Variants in RABGAP1L observed in about 807,000 individuals in gnomAD.
RABGAP1L encodes rab GTPase-activating protein 1-like.
RABGAP1L carries 63 observed loss-of-function variants against 137.7 expected under a neutral mutation model. That is an observed-to-expected ratio of 0.46 (90% CI 0.37 to 0.56). The LOEUF (loss-of-function observed/expected upper bound fraction) is 0.56. Ranked by LOEUF, RABGAP1L falls within the 20% of genes least tolerant of loss-of-function variation. The pLI, the probability that RABGAP1L is intolerant of heterozygous loss-of-function variation, is 0.00. For missense variants in RABGAP1L, 1,095 were observed against 1,244.0 expected, an observed-to-expected ratio of 0.88 and a Z score of 1.80; for synonymous variants, 431 against 433.7, an observed-to-expected ratio of 0.99 and a Z score of 0.08.
intron 13 of RABGAP1L, among the ~76,000 whole-genome samples, chr1:174,628,416 A>AT (rs1673079473): frequency 6.6e-6 from 1 of 152,228 alleles, no homozygotes; most frequent in South Asian, 2.1e-4. Flanking sequence ...AATGGTTCTT[A>AT]TGGAAATGGG....
chr1:174,532,829 C>T (rs1664541154), intron 13 of RABGAP1L, among the ~76,000 whole-genome samples: 1 of 152,058 alleles, frequency 6.6e-6, no homozygotes, highest in South Asian at 2.1e-4. Context: ...GTAAGAAAAA[C>T]AAGTTGCCAC....
At chr1:174,849,537 G>A (rs972268872) in intron 19 of RABGAP1L, 1 of 314,948 alleles carries the variant, frequency 3.2e-6, no homozygotes, top group South Asian at 2.9e-5. Context: ...GAAAAGTCAG[G>A]GAGGTCAATA....
intron 11 of RABGAP1L, among the ~76,000 whole-genome samples, chr1:174,306,185 TC>T (rs1253331101): frequency 6.6e-6 from 1 of 152,234 alleles, no homozygotes; most frequent in Non-Finnish European, 1.5e-5. Context: ...TTGGGTTGGT[TC>T]CAAGTCTTTG....
At chr1:174,521,825 A>G (rs1225847411) in intron 13 of RABGAP1L, among the ~76,000 whole-genome samples, 1 of 152,168 alleles carries the variant, frequency 6.6e-6, no homozygotes, top group African/African-American at 2.4e-5. Flanking sequence ...TCACACATGT[A>G]ATCCCAGTAC....
chr1:174,790,396 G>T (rs1317853163), intron 18 of RABGAP1L, among the ~76,000 whole-genome samples: 2 of 151,822 alleles, frequency 1.3e-5, no homozygotes, highest in South Asian at 2.1e-4. Flanking sequence ...GGCCAAGGTG[G>T]GTAGATCACC....
At chr1:174,762,807 C>CTTTTTTTTTT (rs71563260) in intron 18 of RABGAP1L, among the ~76,000 whole-genome samples, 1 of 81,830 alleles carries the variant, frequency 1.2e-5, no homozygotes, top group Non-Finnish European at 2.3e-5. Flanking sequence ...GTCTCCTTTG[C>CTTTTTTTTTT]TTTTTTTTTT....
intron 17 of RABGAP1L, among the ~76,000 whole-genome samples, chr1:174,736,395 C>T (rs1682945124): frequency 6.6e-6 from 1 of 152,272 alleles, no homozygotes; most frequent in Non-Finnish European, 1.5e-5. Context: ...GTGGTAGGCT[C>T]CCAAGGCCTT....
At chr1:174,927,926 G>A (rs1040224978) in intron 19 of RABGAP1L, among the ~76,000 whole-genome samples, 2 of 152,040 alleles carry the variant, frequency 1.3e-5, no homozygotes, top group African/African-American at 4.8e-5. Context: ...CAATATTGTC[G>A]TTGCCTCTCT....
At chr1:174,328,016 T>TATAC (rs1680700357) in intron 11 of RABGAP1L, among the ~76,000 whole-genome samples, 24 of 117,356 alleles carry the variant, frequency 2.0e-4, no homozygotes, top group African/African-American at 8.1e-4. Flanking sequence ...TATATATATA[T>TATAC]ATATATATAC....
intron 13 of RABGAP1L, among the ~76,000 whole-genome samples, chr1:174,456,516 A>G (rs866971658): frequency 1.3e-5 from 2 of 152,080 alleles, no homozygotes; most frequent in African/African-American, 2.4e-5. Context: ...TATGATGGAC[A>G]AGATTTTGAT....
Position 174,559,859 on chromosome 1 carries a change from A to G in RABGAP1L, c.1711-77516A>G, listed in dbSNP as rs948845445. 2.6e-5 allele frequency among the ~76,000 whole-genome samples: 4 copies of G among 152,100 alleles called. No individual in the cohort carries two copies. In the East Asian group the frequency reaches 7.7e-4, roughly 29 times the overall value. Reference sequence around the variant, plus strand: ...ATCCAAAAAAGTTCCCTTTTGGCCGAGTGTGGTGGCTCACGCCTGTAATCT... The same window carrying G: ...ATCCAAAAAAGTTCCCTTTTGGCCGGGTGTGGTGGCTCACGCCTGTAATCT... On this transcript the variant is annotated intron_variant, in intron 13 of 25. Coordinates refer to ENST00000681986, the MANE Select transcript of RABGAP1L (RefSeq NM_001366446.1).
intron 19 of RABGAP1L, among the ~76,000 whole-genome samples, chr1:174,853,375 G>A (rs1648713744): frequency 6.6e-6 from 1 of 152,058 alleles, no homozygotes; most frequent in Non-Finnish European, 1.5e-5. Context: ...AGGTTTCAGA[G>A]TTATATATAA....
intron 13 of RABGAP1L, among the ~76,000 whole-genome samples, chr1:174,528,114 A>G (rs769799796): frequency 3.3e-5 from 5 of 151,888 alleles, no homozygotes; most frequent in African/African-American, 4.8e-5. Context: ...GTCTATATCT[A>G]TTAAGTGAAG....
rs59262212 is a variant in RABGAP1L, at chr1:174,280,048, G to GGAGAGAGAGAGAGAGAGAGAGA, written c.1323+1292_1323+1313dup. Among the ~76,000 whole-genome samples the GGAGAGAGAGAGAGAGAGAGAGA allele has an allele frequency of 4.6e-4, 58 of 125,298 alleles. 1 individual carries two copies. Among genetic ancestry groups the GGAGAGAGAGAGAGAGAGAGAGA allele is most frequent in the African/African-American group, 1.6e-3 (55 of 33,720 alleles). The allele number at this position is 125,298 out of a possible 152,430, so 82.2% of individuals were successfully genotyped here. ...AGTACTTTTGACTGTCTGTCTGCCT[G>GGAGAGAGAGAGAGAGAGAGAGA]GAGAGAGAGAGAGAGAGAGAGAGAG... On this transcript the variant is annotated intron_variant, in intron 10 of 25. Coordinates refer to ENST00000681986, the MANE Select transcript of RABGAP1L (RefSeq NM_001366446.1).
At chr1:174,950,073 G>A (rs1320273987) in intron 19 of RABGAP1L, among the ~76,000 whole-genome samples, 2 of 152,188 alleles carry the variant, frequency 1.3e-5, no homozygotes, top group African/African-American at 4.8e-5. Flanking sequence ...ACACCACTAG[G>A]ATTGAGTAAT....
At chr1:174,614,833 T>C (rs188949584) in intron 13 of RABGAP1L, among the ~76,000 whole-genome samples, 4 of 152,354 alleles carry the variant, frequency 2.6e-5, no homozygotes, top group Non-Finnish European at 5.9e-5. Flanking sequence ...TCATTTGATC[T>C]TCCATCACTG....
chr1:174,957,956 G>T (rs1668747924), intron 20 of RABGAP1L: 2 of 1,572,588 alleles, frequency 1.3e-6, no homozygotes, highest in Non-Finnish European at 1.7e-6. Flanking sequence ...GAAGCTGAGA[G>T]AAAGAGAGGG....
chr1:174,373,368 T>C (rs893483562), intron 12 of RABGAP1L, among the ~76,000 whole-genome samples: 5 of 152,134 alleles, frequency 3.3e-5, no homozygotes, highest in Admixed American at 6.6e-5. Context: ...AAAGGAGATA[T>C]TATGATTGGA....
At chr1:174,800,074 C>T (rs1342808855) in intron 18 of RABGAP1L, 3 of 1,283,868 alleles carry the variant, frequency 2.3e-6, no homozygotes, top group African/African-American at 1.5e-5. Flanking sequence ...GCCATTTTCT[C>T]GCATTCGATT....
Sources: allele counts gnomAD v4.1 joint callset (sites outside exome capture counted in the v4.1 genomes callset), GRCh38; gene constraint gnomAD v4.1.1; transcripts MANE v1.5; gene names NCBI Gene and HGNC (gene_info 2026-07-23, HGNC 2026-07-21).